The following TBC1D5 variants were observed in gnomAD, a reference collection of about 807,000 sequenced individuals.
TBC1D5 encodes the protein TBC1 domain family, member 5.
Under a neutral mutation model 100.3 loss-of-function variants are expected in TBC1D5, and 75 were observed. The observed-to-expected ratio is 0.75, with a 90% CI of 0.62 to 0.91. TBC1D5 has a LOEUF of 0.91. Ranked by LOEUF, TBC1D5 falls within the 40% of genes least tolerant of loss-of-function variation. The pLI is 0.00. For missense variants in TBC1D5, 910 were observed against 942.4 expected, an observed-to-expected ratio of 0.97 and a Z score of 0.45; for synonymous variants, 323 against 325.6, an observed-to-expected ratio of 0.99 and a Z score of 0.09.
At chr3:17,362,645 T>C (rs906261742) in intron 13 of TBC1D5, among the ~76,000 whole-genome samples, 1 of 152,102 alleles carries the variant, frequency 6.6e-6, no homozygotes, top group Non-Finnish European at 1.5e-5. Flanking sequence ...CTAAGTTTTG[T>C]ATGTTTAGTA....
At chr3:17,255,496 G>A (rs140332564) in intron 16 of TBC1D5, among the ~76,000 whole-genome samples, 56 of 152,046 alleles carry the variant, frequency 3.7e-4, no homozygotes, top group African/African-American at 1.1e-3. Context: ...CACCGCACCC[G>A]GCCAGATCCT....
intron 1 of TBC1D5, among the ~76,000 whole-genome samples, chr3:17,676,642 A>C (rs1292148955): frequency 2.6e-5 from 4 of 152,182 alleles, no homozygotes; most frequent in African/African-American, 7.2e-5. Context: ...ACAGAATTGG[A>C]AAAAACTACT....
chr3:17,214,230 T>C, exon 18 of TBC1D5: 1 of 1,612,994 alleles, frequency 6.2e-7, no homozygotes, highest in Non-Finnish European at 8.5e-7. Flanking sequence ...CCCATAGTTT[T>C]GCTGTGTGAG....
intron 10 of TBC1D5, among the ~76,000 whole-genome samples, chr3:17,375,143 T>A (rs543734439): frequency 6.6e-6 from 1 of 152,304 alleles, no homozygotes; most frequent in East Asian, 1.9e-4. Flanking sequence ...TTTTAACAGA[T>A]TGAATCAGCT....
chr3:17,564,064 G>A (rs1028166800), intron 2 of TBC1D5, among the ~76,000 whole-genome samples: 5 of 152,202 alleles, frequency 3.3e-5, no homozygotes, highest in Admixed American at 1.3e-4. Context: ...TTACAGGCAT[G>A]AGCCACCGTG....
At chr3:17,646,626 C>T (rs142089553) in intron 1 of TBC1D5, among the ~76,000 whole-genome samples, 29 of 152,206 alleles carry the variant, frequency 1.9e-4, no homozygotes, top group African/African-American at 6.5e-4. Flanking sequence ...CCATCATGCC[C>T]CTGGACTAAT....
At chr3:17,326,280 C>T (rs1159674143) in intron 13 of TBC1D5, among the ~76,000 whole-genome samples, 1 of 152,140 alleles carries the variant, frequency 6.6e-6, no homozygotes, top group African/African-American at 2.4e-5. Flanking sequence ...AGTAAACTTC[C>T]TGCCAATTTG....
chr3:17,585,967 G>T (rs935228257), intron 2 of TBC1D5, among the ~76,000 whole-genome samples: 2 of 152,076 alleles, frequency 1.3e-5, no homozygotes, highest in Non-Finnish European at 2.9e-5. Flanking sequence ...AATGGTGGGG[G>T]AGTGGGGAGT....
At chr3:17,464,251 C>T (rs573774236) in intron 3 of TBC1D5, among the ~76,000 whole-genome samples, 14 of 152,210 alleles carry the variant, frequency 9.2e-5, no homozygotes, top group Non-Finnish European at 1.8e-4. Flanking sequence ...TGAGCCACTG[C>T]GCCTGTCCAT....
At chr3:17,627,967 T>C (rs576332952) in intron 1 of TBC1D5, among the ~76,000 whole-genome samples, 1 of 152,334 alleles carries the variant, frequency 6.6e-6, no homozygotes, top group African/African-American at 2.4e-5. Flanking sequence ...CTCTCAGGTT[T>C]AGGTCAGTAT....
chr3:17,601,449 T>C (rs900897939), intron 2 of TBC1D5, among the ~76,000 whole-genome samples: 2 of 152,188 alleles, frequency 1.3e-5, no homozygotes, highest in Non-Finnish European at 2.9e-5. Flanking sequence ...AGGCGGAGGT[T>C]GTGGTGAGCC....
chr3:17,578,838 T>TA (rs2153528018), intron 2 of TBC1D5, among the ~76,000 whole-genome samples: 1 of 152,168 alleles, frequency 6.6e-6, no homozygotes, highest in Non-Finnish European at 1.5e-5. Context: ...CCAATAATGC[T>TA]AACATATTTC....
chr3:17,569,023 T>G (rs995977798), intron 2 of TBC1D5, among the ~76,000 whole-genome samples: 5 of 151,926 alleles, frequency 3.3e-5, no homozygotes, highest in Non-Finnish European at 7.4e-5. Context: ...TGCCTTGTAA[T>G]TACCCTAATG....
intron 16 of TBC1D5, among the ~76,000 whole-genome samples, chr3:17,245,801 G>C (rs1001943831): frequency 6.6e-6 from 1 of 152,126 alleles, no homozygotes; most frequent in African/African-American, 2.4e-5. Context: ...ATTATTATTT[G>C]AATTATTTAT....
At chr3:17,441,669 G>A (rs2094660270) in intron 3 of TBC1D5, among the ~76,000 whole-genome samples, 1 of 152,168 alleles carries the variant, frequency 6.6e-6, no homozygotes, top group African/African-American at 2.4e-5. Context: ...GAAGCTACTG[G>A]AAAGTTATAA....
rs181774407 is a variant in TBC1D5, at chr3:17,509,655, T to A, written c.-35-1050A>T. ...TCATGATATCTAAACATGCTTTAAG[T>A]ATTAAGAGTATTAAACCTTGTTTAT... On this transcript the variant is annotated intron_variant, in intron 2 of 21. Transcript: ENST00000253692. Among the ~76,000 whole-genome samples, 44 of 152,158 alleles carry A rather than the reference T, an allele frequency of 2.9e-4. No individual in the cohort carries two copies. In the East Asian group the frequency reaches 8.3e-3, roughly 29 times the overall value.
chr3:17,611,390 G>A (rs1160516806), intron 2 of TBC1D5, among the ~76,000 whole-genome samples: 2 of 152,118 alleles, frequency 1.3e-5, no homozygotes, highest in Non-Finnish European at 2.9e-5. Context: ...TTTAAAAGAA[G>A]AGAGAATGGA....
intron 1 of TBC1D5, among the ~76,000 whole-genome samples, chr3:17,711,397 C>T (rs1440621931): frequency 6.6e-6 from 1 of 151,946 alleles, no homozygotes; most frequent in Non-Finnish European, 1.5e-5. Flanking sequence ...ACCTATAAAC[C>T]TAAGAAGTAG....
At chr3:17,713,562 C>T (rs1270169762) in intron 1 of TBC1D5, among the ~76,000 whole-genome samples, 3 of 151,934 alleles carry the variant, frequency 2.0e-5, no homozygotes, top group Admixed American at 1.3e-4. Flanking sequence ...GTTTTTCAAA[C>T]GACAACTCAA....
Sources: allele counts gnomAD v4.1 joint callset (sites outside exome capture counted in the v4.1 genomes callset), GRCh38; gene constraint gnomAD v4.1.1; transcripts MANE v1.5; gene names NCBI Gene and HGNC (gene_info 2026-07-23, HGNC 2026-07-21).